The following PALM2AKAP2 variants were observed in gnomAD, a reference collection of about 807,000 sequenced individuals.
The protein encoded by PALM2AKAP2 is PALM2-AKAP2 fusion protein.
In PALM2AKAP2, 37 loss-of-function variants were observed where a neutral mutation model predicts 71.5. That is an observed-to-expected ratio of 0.52 (90% CI 0.40 to 0.68). The LOEUF (loss-of-function observed/expected upper bound fraction) is 0.68. Among genes scored for constraint, PALM2AKAP2 ranks in the 30% least tolerant of loss-of-function variants. PALM2AKAP2 has a pLI of 0.00. For missense variants in PALM2AKAP2, 1,224 were observed against 1,191.8 expected, an observed-to-expected ratio of 1.03 and a Z score of -0.40; for synonymous variants, 468 against 478.8, an observed-to-expected ratio of 0.98 and a Z score of 0.29.
chr9:109,925,351 T>C (rs1830932711), intron 5 of PALM2AKAP2, among the ~76,000 whole-genome samples: 1 of 152,096 alleles, frequency 6.6e-6, no homozygotes, highest in Admixed American at 6.6e-5. Context: ...CACTCACTGC[T>C]TGGGCCTCTC....
chr9:110,027,083 C>T (rs924499019), intron 7 of PALM2AKAP2, among the ~76,000 whole-genome samples: 1 of 152,052 alleles, frequency 6.6e-6, no homozygotes, highest in Non-Finnish European at 1.5e-5. Flanking sequence ...AAGATGGCTA[C>T]CCCTCAGAAA....
intron 1 of PALM2AKAP2, among the ~76,000 whole-genome samples, chr9:109,721,836 T>A (rs1028986641): frequency 6.6e-6 from 1 of 152,242 alleles, no homozygotes; most frequent in African/African-American, 2.4e-5. Flanking sequence ...TTTTAATTAA[T>A]GAACTTAAAG....
At chr9:109,858,098 C>T (rs1829216467) in intron 1 of PALM2AKAP2, among the ~76,000 whole-genome samples, 1 of 152,228 alleles carries the variant, frequency 6.6e-6, no homozygotes, top group African/African-American at 2.4e-5. Context: ...TGCTGTATCT[C>T]ATTTCAATCC....
intron 1 of PALM2AKAP2, among the ~76,000 whole-genome samples, chr9:110,080,343 A>G (rs1352198938): frequency 1.3e-5 from 2 of 152,168 alleles, no homozygotes; most frequent in African/African-American, 4.8e-5. Flanking sequence ...CTATTTGCCT[A>G]AGAGAAAGAG....
chr9:109,685,737 G>T (rs1280730409), intron 1 of PALM2AKAP2, among the ~76,000 whole-genome samples: 4 of 152,098 alleles, frequency 2.6e-5, no homozygotes, highest in Non-Finnish European at 5.9e-5. Context: ...CAGGATGGTG[G>T]TTGCCAAAGG....
intron 3 of PALM2AKAP2, among the ~76,000 whole-genome samples, chr9:109,900,162 CTCAATTACTCTGATTGG>C (rs1352771024): frequency 2.6e-5 from 4 of 152,154 alleles, no homozygotes; most frequent in Non-Finnish European, 4.4e-5. Context: ...CAGCTTTTGT[CTCAATTACTCTGATTGG>C]CATGCAATCA....
chr9:109,865,880 C>T (rs1171063216), intron 1 of PALM2AKAP2, among the ~76,000 whole-genome samples: 1 of 152,222 alleles, frequency 6.6e-6, no homozygotes, highest in African/African-American at 2.4e-5. Flanking sequence ...TGTGCCATCT[C>T]TGAGATGGTG....
intron 2 of PALM2AKAP2, among the ~76,000 whole-genome samples, chr9:110,155,558 C>G (rs560973573): frequency 6.6e-6 from 1 of 152,154 alleles, no homozygotes; most frequent in South Asian, 2.1e-4. Context: ...CCTGAGGATT[C>G]TTGGAGGACA....
chr9:109,803,182 C>G (rs193256492), intron 1 of PALM2AKAP2, among the ~76,000 whole-genome samples: 1 of 152,068 alleles, frequency 6.6e-6, no homozygotes, highest in Non-Finnish European at 1.5e-5. Flanking sequence ...CATTATAATG[C>G]GAGAGGAAAC....
chr9:109,807,729 A>C (rs1346276589), intron 1 of PALM2AKAP2, among the ~76,000 whole-genome samples: 1 of 152,044 alleles, frequency 6.6e-6, no homozygotes, highest in Non-Finnish European at 1.5e-5. Context: ...GCACTAATTC[A>C]CCCCCTGATA....
intron 1 of PALM2AKAP2, among the ~76,000 whole-genome samples, chr9:109,849,346 G>T (rs909397320): frequency 6.6e-6 from 1 of 152,206 alleles, no homozygotes; most frequent in African/African-American, 2.4e-5. Flanking sequence ...CCCAGCTGGT[G>T]ATTTGAAGAT....
chr9:109,943,478 G>T, intron 6 of PALM2AKAP2: 1 of 1,537,870 alleles, frequency 6.5e-7, no homozygotes, highest in Non-Finnish European at 8.7e-7. Flanking sequence ...CACCACTCAC[G>T]TAGACCTCAC....
At chr9:110,022,498 T>C (rs1833090760) in intron 7 of PALM2AKAP2, among the ~76,000 whole-genome samples, 1 of 152,152 alleles carries the variant, frequency 6.6e-6, no homozygotes, top group African/African-American at 2.4e-5. Flanking sequence ...CCTCTCTCTT[T>C]ATATTCACAT....
At chr9:109,875,061 C>A (rs1268803068) in intron 2 of PALM2AKAP2, among the ~76,000 whole-genome samples, 3 of 152,200 alleles carry the variant, frequency 2.0e-5, no homozygotes, top group Admixed American at 2.0e-4. Context: ...AGAATCCTAC[C>A]TAATCTGGCC....
At chr9:110,040,466 T>C (rs1360354243) in intron 7 of PALM2AKAP2, among the ~76,000 whole-genome samples, 1 of 152,178 alleles carries the variant, frequency 6.6e-6, no homozygotes, top group Admixed American at 6.6e-5. Flanking sequence ...TACTAAAACA[T>C]TTGACAAGCA....
chr9:109,869,495 A>AT (rs35676745), intron 2 of PALM2AKAP2, among the ~76,000 whole-genome samples: 57,666 of 142,100 alleles, frequency 0.41, 11,493 homozygotes, highest in South Asian at 0.45. Flanking sequence ...CGCCCAGCTA[A>AT]TTTTTTTTTT....
At chr9:109,652,850 G>C (rs1827245516) in intron 1 of PALM2AKAP2, among the ~76,000 whole-genome samples, 1 of 152,202 alleles carries the variant, frequency 6.6e-6, no homozygotes. Context: ...TCAAAGGAAA[G>C]GTTTGATGGA....
intron 1 of PALM2AKAP2, among the ~76,000 whole-genome samples, chr9:109,711,925 A>C (rs1828247110): frequency 6.6e-6 from 1 of 152,118 alleles, no homozygotes; most frequent in African/African-American, 2.4e-5. Flanking sequence ...TTATTAATGA[A>C]GACATTCCAA....
intron 1 of PALM2AKAP2, among the ~76,000 whole-genome samples, chr9:109,784,740 G>A (rs745625921): frequency 6.6e-6 from 1 of 152,248 alleles, no homozygotes; most frequent in Non-Finnish European, 1.5e-5. Flanking sequence ...GGCCATTGGA[G>A]CCTTTGCTTT....
Sources: gnomAD v4.1 joint callset for allele counts (sites outside exome capture counted in the v4.1 genomes callset) on GRCh38, gnomAD v4.1.1 for gene constraint, MANE v1.5 for transcripts, NCBI Gene and HGNC (gene_info 2026-07-23, HGNC 2026-07-21) for gene names.